The following NAA25 variants were observed in gnomAD, a reference collection of about 807,000 sequenced individuals.
NAA25 encodes the protein N-terminal acetyltransferase B complex subunit NAA25.
Under a neutral mutation model 132.5 loss-of-function variants are expected in NAA25, and 30 were observed. The ratio of observed to expected loss-of-function variants is 0.23; its 90% CI spans 0.17 to 0.31. NAA25 has a LOEUF of 0.31. Ranked by LOEUF, NAA25 falls within the 10% of genes least tolerant of loss-of-function variation. The pLI is 1.00. For synonymous variants in NAA25, 359 were observed against 401.9 expected (o/e 0.89, Z 1.28); for missense variants, 771 against 1,150.4 (o/e 0.67, Z 4.77).
rs926329936 is a variant in NAA25 at position 112,102,323 on chromosome 12, T to C, written c.58+6393A>G. Among the ~76,000 whole-genome samples the C allele has an allele frequency of 7.2e-5, 11 of 151,914 alleles. No individual in the cohort carries two copies. The East Asian group carries it at 9.7e-4, about 13-fold the overall frequency. ...AGGAGGTCGAAGCTGCAGTGAGCCA[T>C]GTTCACATCACTGCACTGCAGCCTG... On this transcript the variant is annotated intron_variant, in intron 1 of 23. Transcript: ENST00000261745.
At chr12:112,095,367 G>T (rs946589736) in intron 1 of NAA25, among the ~76,000 whole-genome samples, 1 of 151,900 alleles carries the variant, frequency 6.6e-6, no homozygotes, top group African/African-American at 2.4e-5. Context: ...AACCCAGGAG[G>T]TGGGGCTTGC....
chr12:112,082,019 G>T (rs538304835), intron 4 of NAA25, among the ~76,000 whole-genome samples: 48 of 152,182 alleles, frequency 3.2e-4, no homozygotes, highest in Non-Finnish European at 6.5e-4. Context: ...GGGAGGCCGA[G>T]GCTGGCAGAT....
chr12:112,056,929 C>G (rs1303468501), intron 13 of NAA25, among the ~76,000 whole-genome samples: 3 of 152,202 alleles, frequency 2.0e-5, no homozygotes, highest in Non-Finnish European at 4.4e-5. Context: ...GTGGCTCACG[C>G]CTGAAATCCC....
chr12:112,094,240 C>CAAAAAAA (rs199734463), intron 1 of NAA25, among the ~76,000 whole-genome samples: 2 of 69,286 alleles, frequency 2.9e-5, no homozygotes, highest in African/African-American at 5.0e-5. Context: ...GACTCTGTCT[C>CAAAAAAA]AAAAAAAAAA....
intron 1 of NAA25, among the ~76,000 whole-genome samples, chr12:112,102,449 T>C (rs1426237260): frequency 6.6e-6 from 1 of 152,200 alleles, no homozygotes; most frequent in Admixed American, 6.5e-5. Context: ...CTCTAATCTA[T>C]GTATTCATCT....
intron 3 of NAA25, among the ~76,000 whole-genome samples, 174 bp from the exon 4 acceptor site, chr12:112,087,975 G>A (rs1372214553): frequency 1.3e-5 from 2 of 152,156 alleles, no homozygotes; most frequent in Admixed American, 6.6e-5. Flanking sequence ...ATGAAGCATG[G>A]AATAGGTCAA....
chr12:112,060,443 A>G lies in NAA25; in HGVS notation c.1358-84T>C, dbSNP rs914648461. The G allele has an allele frequency of 5.9e-6, 5 of 852,772 alleles. No individual in the cohort carries two copies. The African/African-American group carries it at 6.9e-5, about 12-fold the overall frequency. The allele number at this position is 852,772 out of a possible 1,614,324, so 52.8% of individuals were successfully genotyped here. On this transcript the variant is annotated intron_variant, in intron 12 of 23. Coordinates refer to ENST00000261745, the MANE Select transcript of NAA25 (RefSeq NM_024953.4). ...AGGAGTTTTTAAAAGCAGGAAAGTGACAGGAGGGAGAGGAGGAAAAGTAAA... is the reference window on the plus strand; with the variant it reads ...AGGAGTTTTTAAAAGCAGGAAAGTGGCAGGAGGGAGAGGAGGAAAAGTAAA...
At chr12:112,089,044 AC>A (rs2079094489) in intron 3 of NAA25, among the ~76,000 whole-genome samples, 1 of 152,190 alleles carries the variant, frequency 6.6e-6, no homozygotes, top group Non-Finnish European at 1.5e-5. Flanking sequence ...CTAAATCAAC[AC>A]AATCTGTAAA....
At chr12:112,036,885 G>GTGGGTGTGCACGCGCGTGTGCA (rs2078230869) in intron 22 of NAA25, among the ~76,000 whole-genome samples, 1 of 151,576 alleles carries the variant, frequency 6.6e-6, no homozygotes, top group Non-Finnish European at 1.5e-5. Flanking sequence ...GCGTGTGTGT[G>GTGGGTGTGCACGCGCGTGTGCA]TGTGTGTGCA....
At chr12:112,039,165 T>C (rs2078267386) in intron 22 of NAA25, 64 bp downstream of exon 22, 3 of 1,022,084 alleles carry the variant, frequency 2.9e-6, no homozygotes, top group Non-Finnish European at 2.9e-6. Flanking sequence ...AGGAAAACAG[T>C]GAAAAGAAAA....
At chr12:112,059,136 G>C (rs1325515431) in intron 13 of NAA25, among the ~76,000 whole-genome samples, 1 of 132,670 alleles carries the variant, frequency 7.5e-6, no homozygotes, top group Non-Finnish European at 1.6e-5. Context: ...AGCTGGGCTT[G>C]GTGGCATGTG....
Position 112,053,418 on chromosome 12 carries a change from C to G in NAA25, c.1728+140G>C. 5 of 625,668 alleles carry G rather than the reference C, an allele frequency of 8.0e-6. No homozygotes were observed. The Admixed American group carries it at 9.9e-5, about 12-fold the overall frequency. 38.8% of individuals were successfully genotyped at this position (625,668 alleles called of 1,614,324 possible). On this transcript the variant is annotated intron_variant, in intron 15 of 23. Transcript: ENST00000261745. ...TCTACCTCTCCCTACCAGCCTTGGA[C>G]AGTAAGCTTTGGTCTAAGGGCACTT...
At chr12:112,106,102 T>C (rs2079358259) in intron 1 of NAA25, among the ~76,000 whole-genome samples, 1 of 152,220 alleles carries the variant, frequency 6.6e-6, no homozygotes. Context: ...GTTCTTTTCC[T>C]AGTCCTGCCA....
intron 1 of NAA25, among the ~76,000 whole-genome samples, chr12:112,099,921 T>C (rs1318510023): frequency 2.0e-5 from 3 of 152,224 alleles, no homozygotes; most frequent in Non-Finnish European, 4.4e-5. Flanking sequence ...ATTAAAGATA[T>C]TGCCACAACT....
At position 112,049,788 on chromosome 12, in the gene NAA25, T is replaced by C. The variant is rs1255956907; in HGVS notation, c.1729-1345A>G. On this transcript the variant is annotated intron_variant, in intron 15 of 23. Coordinates refer to ENST00000261745, the MANE Select transcript of NAA25 (RefSeq NM_024953.4). This position sits in a 1 kb window ranked among gnomAD's most constrained non-coding sequence, Gnocchi z 4.7. ...ACTCTAAACACATATGCCTATCCTA[T>C]GGCCCCTTGGCTTAGAAAACACAGC... is the stretch of plus-strand genomic sequence containing the variant. 6.6e-6 allele frequency among the ~76,000 whole-genome samples: 1 copy of C among 152,190 alleles called. No individual in the cohort carries two copies. Among genetic ancestry groups the C allele is most frequent in the Non-Finnish European group, 1.5e-5 (1 of 68,044 alleles).
intron 4 of NAA25, among the ~76,000 whole-genome samples, chr12:112,085,094 G>A (rs2079026807): frequency 6.6e-6 from 1 of 152,174 alleles, no homozygotes; most frequent in Non-Finnish European, 1.5e-5. Flanking sequence ...GCTAGGCATG[G>A]TGGTGTGCAC....
chr12:112,070,646 T>C (rs1034517840), intron 10 of NAA25, among the ~76,000 whole-genome samples: 2 of 152,160 alleles, frequency 1.3e-5, no homozygotes, highest in Non-Finnish European at 2.9e-5. Context: ...GGCGCGATCT[T>C]GGCTAACTGC....
rs2136796733 is a variant in NAA25, at chr12:112,033,221, A to ATT, written c.2796+11_2796+12insAA. 2 of 1,598,284 alleles carry ATT rather than the reference A, an allele frequency of 1.3e-6. No homozygotes were observed. The highest frequency in any genetic ancestry group is 4.5e-5 in the East Asian group (2 of 44,650). On this transcript the variant is annotated intron_variant, in intron 23 of 23. Transcript: ENST00000261745. ...GTGTAGAAAACATTGCCGATTGCCT[A>ATT]CAATCTCTTACCGGTGAGAGAGAAG...
chr12:112,088,254 A>G (rs752513948), intron 3 of NAA25, among the ~76,000 whole-genome samples: 7 of 149,398 alleles, frequency 4.7e-5, no homozygotes, highest in Non-Finnish European at 1.0e-4. Context: ...CTGCTTCTCC[A>G]CTGCAATTTG....
Sources: allele counts gnomAD v4.1 joint callset (sites outside exome capture counted in the v4.1 genomes callset), GRCh38; gene constraint gnomAD v4.1.1; non-coding constraint Gnocchi (gnomAD v3.1); transcripts MANE v1.5; gene names NCBI Gene and HGNC (gene_info 2026-07-23, HGNC 2026-07-21).